ACSS1: variants seen among roughly 807,000 people sequenced by gnomAD.
ACSS1 encodes acyl-CoA synthetase short chain family member 1.
Under a neutral mutation model 75.3 loss-of-function variants are expected in ACSS1, and 42 were observed. The ratio of observed to expected loss-of-function variants is 0.56; its 90% CI spans 0.44 to 0.72. ACSS1 has a LOEUF of 0.72. Ranked by LOEUF, ACSS1 falls within the 30% of genes least tolerant of loss-of-function variation. ACSS1 has a pLI of 0.00. For synonymous variants in ACSS1, 380 were observed against 376.8 expected, an observed-to-expected ratio of 1.01 and a Z score of -0.10; for missense variants, 782 against 935.7, an observed-to-expected ratio of 0.84 and a Z score of 2.14.
chr20:25,041,492 C>T (rs1014933650), intron 2 of ACSS1, among the ~76,000 whole-genome samples: 2 of 152,170 alleles, frequency 1.3e-5, no homozygotes, highest in Non-Finnish European at 1.5e-5. Context: ...CAGCCCTTGT[C>T]CCCAGGCCAC....
intron 10 of ACSS1, 149 bp downstream of exon 10, chr20:25,013,387 G>A: frequency 9.8e-7 from 1 of 1,017,516 alleles, no homozygotes; most frequent in Non-Finnish European, 1.4e-6. Context: ...CAAAGGGAGA[G>A]GGGTGCGGAG....
chr20:25,010,826 G>A (rs934059234), intron 12 of ACSS1: 2 of 152,278 alleles, frequency 1.3e-5, no homozygotes, highest in African/African-American at 4.8e-5. Flanking sequence ...CAGGACACTG[G>A]AGACAAGAGA....
intron 12 of ACSS1, chr20:25,012,286 G>A: frequency 2.3e-6 from 1 of 439,400 alleles, no homozygotes; most frequent in Non-Finnish European, 4.2e-6. Flanking sequence ...AATGGGGCTG[G>A]ACGGTGTCCC....
Position 25,030,937 on chromosome 20 carries a change from G to A in ACSS1, c.453C>T (p.Cys151=), listed in dbSNP as rs147035244. Reference sequence around the variant, plus strand: ...GCCTCTTCAGCGTGTTGGCCAGGCGGCACGTGGTCTCCAGTAGTTCCCTGC... The same window carrying A: ...GCCTCTTCAGCGTGTTGGCCAGGCGACACGTGGTCTCCAGTAGTTCCCTGC... The part of the protein sequence containing the change: ...ITYRELLETT[C]RLANTLKRHG... The change falls in exon 3 of 14, where the codon TGC becomes TGT. Residue 151 remains cysteine, a synonymous_variant. Coordinates refer to ENST00000323482, the MANE Select transcript of ACSS1 (RefSeq NM_032501.4). 33 of 1,614,166 alleles carry A rather than the reference G, an allele frequency of 2.0e-5. No homozygotes were observed. The highest frequency in any genetic ancestry group is 2.6e-5 in the Non-Finnish European group (31 of 1,180,012).
In ACSS1 at chr20:25,020,059, A is replaced by G; in HGVS notation, c.1197T>C (p.Asp399=). 1 of 1,614,228 alleles carries G rather than the reference A, an allele frequency of 6.2e-7. No homozygotes were observed. Among genetic ancestry groups the G allele is most frequent in the Non-Finnish European group, 8.5e-7 (1 of 1,180,032 alleles). ...TAVRLLLKYG[D]AWVKKYDRSS... ...AGCGATCATACTTCTTCACCCAGGC[A>G]TCACCGTATTTCAGCAACAGCCGGA... is the stretch of plus-strand genomic sequence containing the variant. Residue 399 remains aspartate (D), a synonymous_variant, in exon 7 of 14, where the codon GAT becomes GAC. Transcript: ENST00000323482.
At position 25,057,974 on chromosome 20, in the gene ACSS1, G is replaced by T. The variant is rs747601542; in HGVS notation, c.129C>A (p.Gly43=). The T allele has an allele frequency of 4.5e-6, 7 of 1,571,666 alleles. No individual in the cohort carries two copies. The highest frequency in any genetic ancestry group is 6.0e-6 in the Non-Finnish European group (7 of 1,160,480). ...APRRAASGPS[G]SAPAVAAAAA... ...CTGCTGCTGCAACTGCGGGAGCGCT[G>T]CCCGAGGGTCCCGAGGCCGCCCTGC... The change falls in exon 1 of 14, where the codon GGC becomes GGA. Residue 43 remains glycine (G), a synonymous_variant. Transcript: ENST00000323482.
chr20:25,018,878 T>C (rs1159610879), intron 7 of ACSS1, among the ~76,000 whole-genome samples: 1 of 152,200 alleles, frequency 6.6e-6, no homozygotes, highest in African/African-American at 2.4e-5. Flanking sequence ...ATCTCCATGC[T>C]GAACATTATA....
Position 25,021,621 on chromosome 20 carries a change from A to C in ACSS1, c.961-85T>G, listed in dbSNP as rs995000699. On this transcript the variant is annotated intron_variant, in intron 5 of 13. Transcript: ENST00000323482. ...AGGTCACTAGGAAATAGGCATGCAT[A>C]GGCTGCAGTCCATAGCTGTGAGAGG... 6 of 1,539,138 alleles carry C rather than the reference A, an allele frequency of 3.9e-6. No individual in the cohort carries two copies. The African/African-American group carries it at 8.2e-5, about 21-fold the overall frequency.
intron 7 of ACSS1, among the ~76,000 whole-genome samples, chr20:25,016,604 A>T (rs1377657754): frequency 6.6e-6 from 1 of 152,224 alleles, no homozygotes; most frequent in African/African-American, 2.4e-5. Flanking sequence ...TCCATGCTGC[A>T]TGATCAGTGC....
chr20:25,027,823 A>C (rs1039142261), intron 3 of ACSS1, among the ~76,000 whole-genome samples: 22 of 152,060 alleles, frequency 1.4e-4, no homozygotes, highest in Non-Finnish European at 4.4e-5. Context: ...CAAATTGGAA[A>C]AGAAGAAGTA....
intron 1 of ACSS1, among the ~76,000 whole-genome samples, chr20:25,052,197 G>A (rs1212514023): frequency 1.3e-5 from 2 of 152,100 alleles, no homozygotes; most frequent in Admixed American, 1.3e-4. Context: ...ATGGAAAGGA[G>A]GAAGGAAGTG....
At chr20:25,028,581 T>C (rs1218978925) in intron 3 of ACSS1, among the ~76,000 whole-genome samples, 3 of 152,204 alleles carry the variant, frequency 2.0e-5, no homozygotes, top group Admixed American at 6.5e-5. Context: ...AGAATGAAAC[T>C]GGACCCTTAC....
At chr20:25,034,850 G>A (rs2088883094) in intron 2 of ACSS1, among the ~76,000 whole-genome samples, 1 of 152,000 alleles carries the variant, frequency 6.6e-6, no homozygotes, top group Non-Finnish European at 1.5e-5. Context: ...TTACAGGCAT[G>A]AGCTATCACC....
intron 2 of ACSS1, among the ~76,000 whole-genome samples, chr20:25,033,964 T>C (rs1057237003): frequency 2.6e-5 from 4 of 152,182 alleles, no homozygotes; most frequent in Non-Finnish European, 5.9e-5. Flanking sequence ...GGCCTCAACA[T>C]GGGCCCAAGA....
intron 3 of ACSS1, among the ~76,000 whole-genome samples, chr20:25,027,956 G>A (rs1410365654): frequency 6.6e-6 from 1 of 151,946 alleles, no homozygotes; most frequent in Non-Finnish European, 1.5e-5. Flanking sequence ...TGCAAAAATT[G>A]CTGTATCTCT....
rs760565325 is a variant in ACSS1, at chr20:25,020,025, G to A, written c.1231C>T (p.Arg411Trp). 1.2e-5 allele frequency: 20 copies of A among 1,614,100 alleles called. No homozygotes were observed. The highest frequency in any genetic ancestry group is 2.2e-5 in the East Asian group (1 of 44,900). The change falls in exon 7 of 14, where the codon CGG becomes TGG. Residue 411 changes from arginine to tryptophan, a missense_variant. Around this residue, in one of 2 missense-constraint regions of ACSS1, gnomAD observed 405 missense variants for 552.6 expected, o/e 0.73. Coordinates refer to ENST00000323482, the MANE Select transcript of ACSS1 (RefSeq NM_032501.4). Reference protein sequence around the residue: ...WVKKYDRSSLRTLGSVGEPIN... With the variant: ...WVKKYDRSSLWTLGSVGEPIN... ...GGCCGCTCACCTGACCCCAGGGTCC[G>A]CAGGGAGGAGCGATCATACTTCTTC...
At chr20:25,013,087 T>C in intron 10 of ACSS1, 148 bp from the exon 11 acceptor site, 1 of 1,240,234 alleles carries the variant, frequency 8.1e-7, no homozygotes, top group Non-Finnish European at 1.1e-6. Flanking sequence ...CCCTATGTTC[T>C]AGAGCATGGG....
chr20:25,028,934 A>G (rs1165764658), intron 3 of ACSS1, among the ~76,000 whole-genome samples: 3 of 151,862 alleles, frequency 2.0e-5, no homozygotes, highest in Non-Finnish European at 4.4e-5. Context: ...GAAAAAAAAA[A>G]GAAAACATAG....
intron 12 of ACSS1, 161 bp downstream of exon 12, chr20:25,012,440 C>T: frequency 4.6e-6 from 4 of 866,050 alleles, no homozygotes; most frequent in Non-Finnish European, 7.3e-6. Flanking sequence ...TGCTATTCAG[C>T]CTCCTCCCCT....
Sources: allele counts gnomAD v4.1 joint callset (sites outside exome capture counted in the v4.1 genomes callset), GRCh38; gene constraint gnomAD v4.1.1; regional missense constraint gnomAD v4.1.1; transcripts MANE v1.5; gene names NCBI Gene and HGNC (gene_info 2026-07-23, HGNC 2026-07-21).